The following DAB1 variants were observed in gnomAD, a reference collection of about 807,000 sequenced individuals.
DAB1 encodes the protein DAB adaptor protein 1, also known as disabled homolog 1.
Under a neutral mutation model 64.6 loss-of-function variants are expected in DAB1, and 15 were observed. The ratio of observed to expected loss-of-function variants is 0.23; its 90% CI spans 0.16 to 0.36. The LOEUF (loss-of-function observed/expected upper bound fraction) is 0.36, where lower values mean the gene tolerates loss of function less well. Among genes scored for constraint, DAB1 ranks in the 10% least tolerant of loss-of-function variants. The probability of loss-of-function intolerance (pLI) is 1.00; values close to 1 mark genes in which losing one functional copy is unlikely to be tolerated. For synonymous variants in DAB1, 235 were observed against 251.9 expected, an observed-to-expected ratio of 0.93 and a Z score of 0.64; for missense variants, 596 against 706.7, an observed-to-expected ratio of 0.84 and a Z score of 1.78.
intron 2 of DAB1, among the ~76,000 whole-genome samples, chr1:57,213,063 T>C (rs1447483996): frequency 6.6e-6 from 1 of 152,062 alleles, no homozygotes; most frequent in Non-Finnish European, 1.5e-5. Context: ...CCTAGTGGAC[T>C]GTGCTGCCCA....
Position 58,256,400 on chromosome 1 carries a change from G to A in DAB1, n.309+86952C>T, listed in dbSNP as rs138717253. On this transcript the variant is annotated intron_variant and non_coding_transcript_variant, in intron 4 of 20. Coordinates refer to the DAB1 transcript ENST00000485760. ...TTCCAAGGGCCAGCAGCCAGCCAGCGCAATGCCTTTATAGGCTTCTGGCAG... is the reference window on the plus strand; with the variant it reads ...TTCCAAGGGCCAGCAGCCAGCCAGCACAATGCCTTTATAGGCTTCTGGCAG... Among the ~76,000 whole-genome samples the A allele has an allele frequency of 8.9e-3, 1,355 of 152,308 alleles. 11 individuals carry two copies. The highest frequency in any genetic ancestry group is 0.024 in the Middle Eastern group (7 of 294).
At chr1:57,466,363 T>G (rs971592616) in intron 7 of DAB1, among the ~76,000 whole-genome samples, 7 of 152,184 alleles carry the variant, frequency 4.6e-5, no homozygotes, top group Non-Finnish European at 7.3e-5. Context: ...CCCAAATGAT[T>G]GACCATTTTC....
chr1:58,196,699 G>A (rs930219647), intron 4 of DAB1, among the ~76,000 whole-genome samples: 2 of 152,086 alleles, frequency 1.3e-5, no homozygotes, highest in African/African-American at 4.8e-5. Context: ...AGAGGAGAGA[G>A]CCCAGGGAAA....
rs546818889 is a variant in DAB1, at chr1:57,520,463, T to C, written n.625+129129A>G. On this transcript the variant is annotated intron_variant and non_coding_transcript_variant, in intron 7 of 20. Transcript: ENST00000485760. ...CAAAGATTAAGGGTCAATTTTTTTG[T>C]TTGTTTGTTTTGCATATATTGTTCT... Among the ~76,000 whole-genome samples the C allele has an allele frequency of 6.6e-5, 10 of 152,270 alleles. No homozygotes were observed. In the East Asian group the frequency reaches 1.9e-3, roughly 29 times the overall value.
chr1:57,180,880 T>C (rs1662850263), intron 2 of DAB1, among the ~76,000 whole-genome samples: 1 of 152,210 alleles, frequency 6.6e-6, no homozygotes, highest in Non-Finnish European at 1.5e-5. Context: ...AAGTAACCTT[T>C]CTTTTGCTCT....
chr1:57,894,510 A>C (rs1392496728), intron 5 of DAB1, among the ~76,000 whole-genome samples: 2 of 152,164 alleles, frequency 1.3e-5, no homozygotes, highest in African/African-American at 4.8e-5. Flanking sequence ...AGGATTCACA[A>C]AGGTAAACAC....
intron 1 of DAB1, among the ~76,000 whole-genome samples, chr1:57,330,246 CATAAATAA>C (rs751093287): frequency 6.6e-6 from 1 of 152,088 alleles, no homozygotes; most frequent in Non-Finnish European, 1.5e-5. Flanking sequence ...CCTTGTTCTT[CATAAATAA>C]ATAAATAAAT....
chr1:58,256,683 C>A (rs1174114192), intron 4 of DAB1, among the ~76,000 whole-genome samples: 3 of 152,220 alleles, frequency 2.0e-5, no homozygotes, highest in African/African-American at 7.2e-5. Flanking sequence ...CCCCACTAGT[C>A]TGTGAGATCC....
intron 4 of DAB1, among the ~76,000 whole-genome samples, chr1:58,150,815 T>A (rs913436868): frequency 6.6e-6 from 1 of 152,052 alleles, no homozygotes; most frequent in African/African-American, 2.4e-5. Context: ...ATTAGGTATA[T>A]CTCCTAATGC....
At chr1:57,704,727 A>G (rs566636159) in intron 6 of DAB1, among the ~76,000 whole-genome samples, 1 of 152,190 alleles carries the variant, frequency 6.6e-6, no homozygotes, top group South Asian at 2.1e-4. Context: ...TTTTGTATGT[A>G]TCTGACAAAA....
intron 5 of DAB1, among the ~76,000 whole-genome samples, chr1:57,972,350 C>T (rs1359830557): frequency 6.6e-6 from 1 of 152,172 alleles, no homozygotes; most frequent in African/African-American, 2.4e-5. Context: ...GATCCTTCTG[C>T]CTCAGGCTCC....
At chr1:57,473,634 A>G (rs17115851) in intron 7 of DAB1, among the ~76,000 whole-genome samples, 3,189 of 152,286 alleles carry the variant, frequency 0.021, 114 homozygotes, top group East Asian at 0.18. Flanking sequence ...GATGGTAGCT[A>G]TTATCATATT....
At chr1:58,269,772 A>G in intron 4 of DAB1, among the ~76,000 whole-genome samples, 1 of 75,312 alleles carries the variant, frequency 1.3e-5, no homozygotes. Context: ...TCTGATGGCC[A>G]GTGATGATGA....
At position 56,995,670 on chromosome 1, in the gene DAB1, G is replaced by A. The variant is rs1218415490; in HGVS notation, c.*2474C>T. The stretch of plus-strand genomic sequence containing the variant: ...CAACCCAAAGAATTGGTATAATGGT[G>A]TGATACTGCAAGACAAACTCAAGAC... On this transcript the variant is annotated 3_prime_UTR_variant, in exon 15 of 15. Transcript: ENST00000371236. The A allele has an allele frequency of 6.6e-6, 1 of 152,210 alleles. No individual in the cohort carries two copies. Among genetic ancestry groups the A allele is most frequent in the African/African-American group, 2.4e-5 (1 of 41,454 alleles). The allele number at this position is 152,210 out of a possible 1,614,324, so 9.4% of individuals were successfully genotyped here.
At chr1:58,525,918 T>C (rs1400733953) in intron 2 of DAB1, among the ~76,000 whole-genome samples, 1 of 152,064 alleles carries the variant, frequency 6.6e-6, no homozygotes, top group African/African-American at 2.4e-5. Context: ...CTCCCACCTT[T>C]ATGACAAAGA....
chr1:58,505,989 A>G, intron 3 of DAB1: 3 of 768,590 alleles, frequency 3.9e-6, no homozygotes, highest in South Asian at 1.7e-5. Flanking sequence ...TTACTAAGCA[A>G]AAGAAGTGAC....
intron 5 of DAB1, among the ~76,000 whole-genome samples, chr1:58,016,244 G>A (rs1227422293): frequency 6.6e-6 from 1 of 152,068 alleles, no homozygotes; most frequent in Non-Finnish European, 1.5e-5. Context: ...TTCTGCCCTT[G>A]GACATGAAAA....
intron 5 of DAB1, among the ~76,000 whole-genome samples, chr1:58,007,256 A>T (rs1244825164): frequency 6.6e-6 from 1 of 152,210 alleles, no homozygotes; most frequent in East Asian, 1.9e-4. Context: ...CATTAAAAAA[A>T]AAATCTCAAG....
chr1:58,185,915 G>C lies in DAB1; in HGVS notation n.310-35327C>G, dbSNP rs754173106. ...TGTGGATAGGGCCATTGACCCTAGAGTTTGTGTGGTGGATACTGTGGTTTG... is the reference window on the plus strand; with the variant it reads ...TGTGGATAGGGCCATTGACCCTAGACTTTGTGTGGTGGATACTGTGGTTTG... On this transcript the variant is annotated intron_variant and non_coding_transcript_variant, in intron 4 of 20. Transcript: ENST00000485760. Among the ~76,000 whole-genome samples the C allele has an allele frequency of 8.5e-5, 13 of 152,290 alleles. 1 individual carries two copies. In the South Asian group the frequency reaches 2.1e-3, roughly 24 times the overall value.
Sources: gnomAD v4.1 joint callset for allele counts (sites outside exome capture counted in the v4.1 genomes callset) on GRCh38, gnomAD v4.1.1 for gene constraint, MANE v1.5 for transcripts, NCBI Gene and HGNC (gene_info 2026-07-23, HGNC 2026-07-21) for gene names.